SCGB2B2: variants seen among roughly 807,000 people sequenced by gnomAD.
SCGB2B2 encodes secretoglobin family 2B member 2.
In SCGB2B2, 11 loss-of-function variants were observed where a neutral mutation model predicts 7.6. That is an observed-to-expected ratio of 1.45 (90% CI 0.91 to 2.40). The LOEUF is 2.40. Ranked by LOEUF, SCGB2B2 falls within the 30% of genes most tolerant of loss-of-function variation. The pLI, the probability that SCGB2B2 is intolerant of heterozygous loss-of-function variation, is 0.00. For missense variants in SCGB2B2, 104 were observed against 115.4 expected (o/e 0.90, Z 0.45); for synonymous variants, 50 against 48.6 (o/e 1.03, Z -0.12).
intron 1 of SCGB2B2, among the ~76,000 whole-genome samples, chr19:34,638,570 A>G (rs531711927): frequency 6.6e-6 from 1 of 152,270 alleles, no homozygotes; most frequent in African/African-American, 2.4e-5. Flanking sequence ...TCCACGGCCA[A>G]CTGTATTACC....
chr19:34,645,241 T>C (rs2066964706), intron 1 of SCGB2B2: 1 of 152,234 alleles, frequency 6.6e-6, no homozygotes, highest in Non-Finnish European at 1.5e-5. Flanking sequence ...GGATGCCAGG[T>C]GCAGATACAT....
chr19:34,649,012 C>T (rs1404724859), intron 1 of SCGB2B2, among the ~76,000 whole-genome samples: 5 of 152,208 alleles, frequency 3.3e-5, no homozygotes, highest in Non-Finnish European at 7.3e-5. Flanking sequence ...AAGCGATTCT[C>T]CTGCCTCAGC....
At position 34,612,018 on chromosome 19, in the gene SCGB2B2, AATTCTTTTTT is replaced by A. The variant is rs1289820577; in HGVS notation, c.-2031-15434_-2031-15425del. ...ATTTTCATATATTTGTGTTTTAGAA[AATTCTTTTTT>A]TTTTTTTTTTTTTTTTTTTTTTTTT... On this transcript the variant is annotated intron_variant, in intron 1 of 3. Transcript: ENST00000601241. Among the ~76,000 whole-genome samples the A allele has an allele frequency of 6.4e-5, 5 of 78,676 alleles. No individual in the cohort carries two copies. The South Asian group carries it at 1.2e-3, about 18-fold the overall frequency. 51.6% of individuals were successfully genotyped at this position (78,676 alleles called of 152,430 possible). A position where few individuals can be genotyped will look rare whatever the true frequency, so the allele number is the denominator to read the frequency against.
intron 1 of SCGB2B2, among the ~76,000 whole-genome samples, chr19:34,664,580 C>T (rs2067558209): frequency 6.6e-6 from 1 of 152,200 alleles, no homozygotes; most frequent in African/African-American, 2.4e-5. Context: ...CCACGCTCTA[C>T]TGCAGCCCAG....
chr19:34,597,674 A>G (rs2065497950), intron 1 of SCGB2B2, among the ~76,000 whole-genome samples: 1 of 152,168 alleles, frequency 6.6e-6, no homozygotes, highest in Non-Finnish European at 1.5e-5. Context: ...GCCTGGGCAC[A>G]GGAGGGACGC....
intron 1 of SCGB2B2, among the ~76,000 whole-genome samples, chr19:34,611,272 GC>G (rs1486396494): frequency 6.6e-6 from 1 of 152,052 alleles, no homozygotes; most frequent in African/African-American, 2.4e-5. Context: ...AACATAACCA[GC>G]TTTTCATTTT....
At chr19:34,617,168 G>A (rs2066106846) in intron 1 of SCGB2B2, among the ~76,000 whole-genome samples, 2 of 152,126 alleles carry the variant, frequency 1.3e-5, no homozygotes, top group Admixed American at 1.3e-4. Context: ...GGCGATGTGG[G>A]CTCTTTTTTG....
At chr19:34,648,932 T>C (rs111732072) in intron 1 of SCGB2B2, among the ~76,000 whole-genome samples, 39 of 152,300 alleles carry the variant, frequency 2.6e-4, no homozygotes, top group Middle Eastern at 3.4e-3. Context: ...AGACGGAGTC[T>C]TGCTTTGTCG....
chr19:34,636,389 G>A (rs1351410024), intron 1 of SCGB2B2, among the ~76,000 whole-genome samples: 1 of 152,182 alleles, frequency 6.6e-6, no homozygotes, highest in African/African-American at 2.4e-5. Context: ...ATGGGATGCA[G>A]CCCAGGAAGG....
chr19:34,629,246 C>T (rs995297734), intron 1 of SCGB2B2, among the ~76,000 whole-genome samples: 2 of 151,874 alleles, frequency 1.3e-5, no homozygotes, highest in African/African-American at 4.8e-5. Context: ...CCCTATTCAA[C>T]ATAGTGTTGG....
intron 1 of SCGB2B2, among the ~76,000 whole-genome samples, chr19:34,633,431 C>G (rs1034626046): frequency 1.3e-5 from 2 of 152,062 alleles, no homozygotes; most frequent in African/African-American, 4.8e-5. Flanking sequence ...AAGCTATACA[C>G]GAGTCTGTAA....
chr19:34,641,662 T>C (rs1487940066), intron 1 of SCGB2B2, among the ~76,000 whole-genome samples: 1 of 152,176 alleles, frequency 6.6e-6, no homozygotes, highest in African/African-American at 2.4e-5. Flanking sequence ...CCTTTTCTAT[T>C]TCTAGTTTTG....
intron 1 of SCGB2B2, among the ~76,000 whole-genome samples, chr19:34,598,241 C>T (rs1285535325): frequency 6.6e-6 from 1 of 152,136 alleles, no homozygotes; most frequent in African/African-American, 2.4e-5. Context: ...CACAACACAA[C>T]ATGGCACAGC....
At position 34,625,156 on chromosome 19, in the gene SCGB2B2, A is replaced by G. The variant is rs549434733; in HGVS notation, c.-2031-28562T>C. Among the ~76,000 whole-genome samples, 77 of 152,320 alleles carry G rather than the reference A, an allele frequency of 5.1e-4. No individual in the cohort carries two copies. The South Asian group carries it at 0.016, about 32-fold the overall frequency. ...AAGTGAGGTGGAGCCAAGATGGCCG[A>G]ATAAGAACAGTTACAGTCTACAGCT... On this transcript the variant is annotated intron_variant, in intron 1 of 3. Coordinates refer to ENST00000601241, the MANE Select transcript of SCGB2B2 (RefSeq NM_001025591.4).
intron 1 of SCGB2B2, among the ~76,000 whole-genome samples, chr19:34,658,832 AAAAG>A (rs2067365005): frequency 7.4e-5 from 11 of 148,666 alleles, no homozygotes; most frequent in African/African-American, 2.4e-4. Flanking sequence ...AAAAAAAAAA[AAAAG>A]AGAGAGAATT....
chr19:34,627,556 A>T (rs1203007906), intron 1 of SCGB2B2, among the ~76,000 whole-genome samples: 1 of 152,244 alleles, frequency 6.6e-6, no homozygotes, highest in Non-Finnish European at 1.5e-5. Context: ...CAATTCAACA[A>T]GAAGAGCTAA....
chr19:34,617,584 G>A (rs1409155668), intron 1 of SCGB2B2, among the ~76,000 whole-genome samples: 1 of 151,860 alleles, frequency 6.6e-6, no homozygotes, highest in Non-Finnish European at 1.5e-5. Flanking sequence ...GGAGATTTTG[G>A]GCTGAGACAA....
At position 34,609,945 on chromosome 19, in the gene SCGB2B2, A is replaced by G. The variant is rs1456925835; in HGVS notation, c.-2031-13351T>C. Among the ~76,000 whole-genome samples the G allele has an allele frequency of 2.6e-5, 4 of 152,100 alleles. No homozygotes were observed. The East Asian group carries it at 5.8e-4, about 22-fold the overall frequency. On this transcript the variant is annotated intron_variant, in intron 1 of 3. Coordinates refer to ENST00000601241, the MANE Select transcript of SCGB2B2 (RefSeq NM_001025591.4). ...CATTTTTACAACATTAATTCTTCCAATCATGAACATGAGACATCTTTTCAC... is the reference window on the plus strand; with the variant it reads ...CATTTTTACAACATTAATTCTTCCAGTCATGAACATGAGACATCTTTTCAC...
At chr19:34,603,138 T>C (rs184565106) in intron 1 of SCGB2B2, among the ~76,000 whole-genome samples, 238 of 152,308 alleles carry the variant, frequency 1.6e-3, no homozygotes, top group African/African-American at 5.4e-3. Context: ...ACAGGCACAA[T>C]AGATGTTCAC....
Sources: allele counts gnomAD v4.1 joint callset (sites outside exome capture counted in the v4.1 genomes callset), GRCh38; gene constraint gnomAD v4.1.1; transcripts MANE v1.5; gene names NCBI Gene and HGNC (gene_info 2026-07-23, HGNC 2026-07-21).